Variants in ZFPM2 observed in about 807,000 individuals in gnomAD.
ZFPM2 encodes the protein zinc finger protein ZFPM2.
ZFPM2 carries 20 observed loss-of-function variants against 98.6 expected under a neutral mutation model. That is an observed-to-expected ratio of 0.20 (90% confidence interval 0.14 to 0.29). The LOEUF is 0.29. Among genes scored for constraint, ZFPM2 ranks in the 10% least tolerant of loss-of-function variants. The pLI is 1.00. For missense variants in ZFPM2, 1,310 were observed against 1,388.6 expected, an observed-to-expected ratio of 0.94 and a Z score of 0.90; for synonymous variants, 518 against 502.7, an observed-to-expected ratio of 1.03 and a Z score of -0.41.
At chr8:105,590,877 T>C (rs868365491) in intron 4 of ZFPM2, among the ~76,000 whole-genome samples, 2 of 152,168 alleles carry the variant, frequency 1.3e-5, no homozygotes, top group Non-Finnish European at 2.9e-5. Flanking sequence ...GCAAAACCCA[T>C]ATATCAGACT....
intron 3 of ZFPM2, among the ~76,000 whole-genome samples, chr8:105,531,303 CA>C (rs1044155022): frequency 8.5e-5 from 13 of 152,274 alleles, no homozygotes; most frequent in Admixed American, 8.5e-4. Context: ...AAGGTTTTGG[CA>C]GGGTGATGTT....
intron 5 of ZFPM2, among the ~76,000 whole-genome samples, chr8:105,681,777 G>A (rs1186617794): frequency 6.6e-6 from 1 of 152,064 alleles, no homozygotes; most frequent in Non-Finnish European, 1.5e-5. Flanking sequence ...AAGGACATTA[G>A]GGGAAACCAG....
chr8:105,803,191 A>C lies in ZFPM2; in HGVS notation c.3109A>C (p.Lys1037Gln). The change falls in exon 8 of 8, where the codon AAA becomes CAA. Residue 1037 changes from lysine (K) to glutamine (Q), a missense_variant. Coordinates refer to ENST00000407775, the MANE Select transcript of ZFPM2 (RefSeq NM_012082.4). ...LKKDSLPLLP[K>Q]NRGMVIVNGG... ...GAAAGATTCTCTGCCATTGTTGCCC[A>C]AAAATCGAGGAATGGTAATAGTGAA... The C allele has an allele frequency of 6.2e-7, 1 of 1,613,806 alleles. No individual in the cohort carries two copies. The highest frequency in any genetic ancestry group is 8.5e-7 in the Non-Finnish European group (1 of 1,179,772).
chr8:105,412,035 G>A (rs1454564061), intron 1 of ZFPM2, among the ~76,000 whole-genome samples: 3 of 151,684 alleles, frequency 2.0e-5, no homozygotes, highest in Admixed American at 6.6e-5. Flanking sequence ...AAGGCATTTC[G>A]GGGGGAATAA....
At chr8:105,499,847 G>A (rs945231772) in intron 3 of ZFPM2, among the ~76,000 whole-genome samples, 1 of 152,112 alleles carries the variant, frequency 6.6e-6, no homozygotes, top group Non-Finnish European at 1.5e-5. Flanking sequence ...TTGGAGCATG[G>A]GTGATTAGAA....
At chr8:105,800,047 G>C (rs1813954247) in intron 7 of ZFPM2, among the ~76,000 whole-genome samples, 1 of 151,946 alleles carries the variant, frequency 6.6e-6, no homozygotes, top group Non-Finnish European at 1.5e-5. Context: ...TGGTGAGTAA[G>C]GTCATGTACA....
intron 1 of ZFPM2, among the ~76,000 whole-genome samples, chr8:105,389,020 G>A (rs1240541479): frequency 1.3e-5 from 1 of 78,324 alleles, no homozygotes; most frequent in African/African-American, 6.0e-5. Flanking sequence ...TGACGTGTGT[G>A]TGTGTGTGTG....
intron 1 of ZFPM2, among the ~76,000 whole-genome samples, chr8:105,326,038 G>A (rs1812109254): frequency 6.6e-6 from 1 of 151,668 alleles, no homozygotes; most frequent in African/African-American, 2.4e-5. Context: ...CGATGAGTGT[G>A]AGGTAGCTAG....
chr8:105,360,898 A>C (rs1413482290), intron 1 of ZFPM2, among the ~76,000 whole-genome samples: 2 of 141,132 alleles, frequency 1.4e-5, no homozygotes, highest in African/African-American at 2.7e-5. Flanking sequence ...GTTGGTTCCA[A>C]GTCTTTGCTA....
intron 5 of ZFPM2, among the ~76,000 whole-genome samples, chr8:105,666,640 A>G (rs1394244353): frequency 6.6e-6 from 1 of 152,224 alleles, no homozygotes; most frequent in African/African-American, 2.4e-5. Flanking sequence ...CCATAGGGTG[A>G]AAATATTATC....
rs183809857 is a variant in ZFPM2 at position 105,380,438 on chromosome 8, A to G, written c.41-38706A>G. On this transcript the variant is annotated intron_variant, in intron 1 of 7. Transcript: ENST00000407775. ...GTGGGCTGTGGTGTTCTTCTCTTGA[A>G]CACTGAATCTCACTCACGATCAACA... 3.4e-3 allele frequency among the ~76,000 whole-genome samples: 515 copies of G among 149,412 alleles called. 3 individuals carry two copies. The highest frequency in any genetic ancestry group is 5.6e-3 in the Non-Finnish European group (378 of 67,692).
chr8:105,597,734 T>G, intron 4 of ZFPM2, among the ~76,000 whole-genome samples: 1 of 152,182 alleles, frequency 6.6e-6, no homozygotes, highest in East Asian at 1.9e-4. Context: ...TCTCCTAAGT[T>G]ACTAAGAAAG....
At chr8:105,456,107 T>C (rs1177017595) in intron 3 of ZFPM2, among the ~76,000 whole-genome samples, 2 of 149,694 alleles carry the variant, frequency 1.3e-5, no homozygotes, top group African/African-American at 4.9e-5. Flanking sequence ...AGAAGACTGA[T>C]AAGCAGTGGC....
intron 4 of ZFPM2, among the ~76,000 whole-genome samples, chr8:105,620,893 C>A (rs777699468): frequency 3.3e-5 from 5 of 152,056 alleles, no homozygotes; most frequent in African/African-American, 4.8e-5. Context: ...TGGTCTATAT[C>A]TCTGTTTTGG....
chr8:105,502,924 C>A (rs776918356), intron 3 of ZFPM2, among the ~76,000 whole-genome samples: 1 of 152,098 alleles, frequency 6.6e-6, no homozygotes, highest in Non-Finnish European at 1.5e-5. Flanking sequence ...CAGGTGGTAT[C>A]ATTAATAAGA....
rs1816691341 is a variant in ZFPM2, at chr8:105,628,044, A to G, written c.421-6202A>G. The stretch of plus-strand genomic sequence containing the variant: ...TGTGTTTTATTTCATTTATTTATGT[A>G]GCTATTCAGCAAAAGTTTGATCTGC... On this transcript the variant is annotated intron_variant, in intron 4 of 7. Coordinates refer to ENST00000407775, the MANE Select transcript of ZFPM2 (RefSeq NM_012082.4). Among the ~76,000 whole-genome samples the G allele has an allele frequency of 2.0e-5, 3 of 152,194 alleles. No homozygotes were observed. The South Asian group carries it at 6.2e-4, about 32-fold the overall frequency.
chr8:105,449,502 T>C (rs563104098), intron 3 of ZFPM2, among the ~76,000 whole-genome samples: 54 of 152,226 alleles, frequency 3.5e-4, no homozygotes, highest in Non-Finnish European at 4.6e-4. Flanking sequence ...TATTGATGAT[T>C]TGATGAATTA....
intron 5 of ZFPM2, among the ~76,000 whole-genome samples, chr8:105,691,982 G>GGCAAAACATTTGCTAACATTGTTA (rs1810896374): frequency 1.3e-5 from 2 of 152,106 alleles, no homozygotes; most frequent in East Asian, 3.9e-4. Context: ...AAAACATTTA[G>GGCAAAACATTTGCTAACATTGTTA]GCAAAAAGCT....
chr8:105,575,601 A>G (rs4734881), intron 4 of ZFPM2, among the ~76,000 whole-genome samples: 18,645 of 152,214 alleles, frequency 0.12, 1,240 homozygotes, highest in Admixed American at 0.17. Flanking sequence ...TCATAGGGGC[A>G]TAGGTTCAAG....
Sources: allele counts gnomAD v4.1 joint callset (sites outside exome capture counted in the v4.1 genomes callset), GRCh38; gene constraint gnomAD v4.1.1; transcripts MANE v1.5; gene names NCBI Gene and HGNC (gene_info 2026-07-23, HGNC 2026-07-21).